MRPL1: variants seen among roughly 807,000 people sequenced by gnomAD.
MRPL1 encodes the protein large ribosomal subunit protein uL1m.
In MRPL1, 28 loss-of-function variants were observed where a neutral mutation model predicts 38.0. That is an observed-to-expected ratio of 0.74 (90% CI 0.55 to 1.01). The LOEUF is 1.01. Ranked by LOEUF, MRPL1 falls within the 50% of genes least tolerant of loss-of-function variation. MRPL1 has a pLI of 0.00. For missense variants in MRPL1, 358 were observed against 389.8 expected (o/e 0.92, Z 0.69); for synonymous variants, 123 against 126.7 (o/e 0.97, Z 0.20).
At chr4:77,914,301 T>G (rs192691136) in intron 7 of MRPL1, among the ~76,000 whole-genome samples, 1 of 152,052 alleles carries the variant, frequency 6.6e-6, no homozygotes, top group African/African-American at 2.4e-5. Flanking sequence ...AGTAGTTGCA[T>G]AGGAGGGGTG....
intron 5 of MRPL1, among the ~76,000 whole-genome samples, chr4:77,887,630 A>G (rs758109139): frequency 8.5e-5 from 13 of 152,098 alleles, no homozygotes; most frequent in African/African-American, 1.7e-4. Flanking sequence ...AGCTCAAGCA[A>G]TCCTCCTGCC....
At chr4:77,933,573 T>G (rs2110260836) in intron 7 of MRPL1, among the ~76,000 whole-genome samples, 1 of 152,128 alleles carries the variant, frequency 6.6e-6, no homozygotes, top group East Asian at 1.9e-4. Flanking sequence ...ATAGAAATTT[T>G]CCAATCTGAA....
intron 7 of MRPL1, among the ~76,000 whole-genome samples, chr4:77,945,538 T>G (rs1430805076): frequency 6.6e-6 from 1 of 152,162 alleles, no homozygotes; most frequent in African/African-American, 2.4e-5. Flanking sequence ...TCTGTAAGAT[T>G]GTAAAAATCC....
chr4:77,877,079 T>C (rs888894856), intron 2 of MRPL1, among the ~76,000 whole-genome samples: 5 of 152,210 alleles, frequency 3.3e-5, no homozygotes, highest in Non-Finnish European at 5.9e-5. Flanking sequence ...TTTGTATTTT[T>C]AGTAGAGACG....
At chr4:77,900,761 A>G (rs935234644) in intron 6 of MRPL1, among the ~76,000 whole-genome samples, 1 of 152,204 alleles carries the variant, frequency 6.6e-6, no homozygotes, top group Non-Finnish European at 1.5e-5. Flanking sequence ...GCTCAGAAGA[A>G]TGATGTAAGA....
chr4:77,946,781 A>G (rs977915754), intron 7 of MRPL1, among the ~76,000 whole-genome samples: 1 of 152,194 alleles, frequency 6.6e-6, no homozygotes, highest in Non-Finnish European at 1.5e-5. Flanking sequence ...AGTGTGGTCC[A>G]GGGATCCTTT....
chr4:77,949,768 T>G, intron 7 of MRPL1, 29 bp from the exon 8 acceptor site: 1 of 1,387,900 alleles, frequency 7.2e-7, no homozygotes, highest in Non-Finnish European at 1.0e-6. Flanking sequence ...TTTCTCATCA[T>G]TAATGTTATG....
intron 2 of MRPL1, among the ~76,000 whole-genome samples, chr4:77,879,293 C>CT (rs1253819120): frequency 7.3e-4 from 111 of 152,092 alleles, no homozygotes; most frequent in Non-Finnish European, 1.3e-4. Context: ...AATTGCAGTT[C>CT]TTTTTTTAAG....
At chr4:77,874,042 G>A (rs1384134395) in intron 2 of MRPL1, among the ~76,000 whole-genome samples, 2 of 147,754 alleles carry the variant, frequency 1.4e-5, no homozygotes, top group East Asian at 2.0e-4. Context: ...ACTGTCACCT[G>A]GGCTGGAGCG....
At chr4:77,908,229 C>T in intron 6 of MRPL1, 1 of 161,546 alleles carries the variant, frequency 6.2e-6, no homozygotes, top group Non-Finnish European at 1.4e-5. Context: ...GATTCCAAGA[C>T]CGTACTGTTA....
chr4:77,886,410 C>T (rs1735677218), intron 4 of MRPL1, among the ~76,000 whole-genome samples: 1 of 152,044 alleles, frequency 6.6e-6, no homozygotes, highest in Non-Finnish European at 1.5e-5. Context: ...TCTTGGCTTA[C>T]CGCAACCTCT....
chr4:77,868,419 T>G (rs1377563000), intron 1 of MRPL1, among the ~76,000 whole-genome samples: 1 of 152,124 alleles, frequency 6.6e-6, no homozygotes, highest in Non-Finnish European at 1.5e-5. Context: ...TTTTTTGTAT[T>G]TTTAGTAGAG....
At chr4:77,891,365 A>AT (rs1178827466) in intron 5 of MRPL1, among the ~76,000 whole-genome samples, 6 of 105,860 alleles carry the variant, frequency 5.7e-5, no homozygotes, top group Admixed American at 9.5e-5. Context: ...TTTTTTTTTC[A>AT]TTTTTTTTGA....
Position 77,949,875 on chromosome 4 carries a change from T to G in MRPL1, c.856T>G (p.Leu286Val). Residue 286 changes from leucine (L) to valine (V), a missense_variant, in exon 8 of 9, where the codon TTG (leucine) becomes GTG (valine). By Grantham distance (32) the Leu-to-Val change is conservative (BLOSUM62 1). Coordinates refer to ENST00000315567, the MANE Select transcript of MRPL1 (RefSeq NM_020236.4). ...AGTTTGTAGGCACAGACCGCTGAATTTGGGTAAGTGGTTTGCTGAGGGTAG... is the reference window on the plus strand; with the variant it reads ...AGTTTGTAGGCACAGACCGCTGAATGTGGGTAAGTGGTTTGCTGAGGGTAG... ...NEVCRHRPLN[L>V]GPFVVRAFLR... 1 of 1,605,424 alleles carries G rather than the reference T, an allele frequency of 6.2e-7. No individual in the cohort carries two copies. Among genetic ancestry groups the G allele is most frequent in the Non-Finnish European group, 8.5e-7 (1 of 1,174,660 alleles).
intron 7 of MRPL1, among the ~76,000 whole-genome samples, chr4:77,931,222 A>G (rs1340925829): frequency 6.6e-6 from 1 of 152,258 alleles, no homozygotes; most frequent in East Asian, 1.9e-4. Flanking sequence ...GAAGAACAGA[A>G]GCAATTATTG....
chr4:77,895,742 G>A (rs1219147082), intron 6 of MRPL1, among the ~76,000 whole-genome samples: 1 of 151,888 alleles, frequency 6.6e-6, no homozygotes, highest in East Asian at 1.9e-4. Context: ...TTAGAGTTTT[G>A]TTTATTTTTG....
rs529353207 is a variant in MRPL1, at chr4:77,940,285, T to C, written c.778-9512T>C. Among the ~76,000 whole-genome samples, 7 of 152,284 alleles carry C rather than the reference T, an allele frequency of 4.6e-5. No individual in the cohort carries two copies. The South Asian group carries it at 1.5e-3, about 32-fold the overall frequency. On this transcript the variant is annotated intron_variant, in intron 7 of 8. Transcript: ENST00000315567. ...CTTTGGTTAGGTATACTCCTAAGTA[T>C]TTTATTTTATTTTTTGGAGCTATTG...
intron 6 of MRPL1, among the ~76,000 whole-genome samples, chr4:77,895,225 A>G (rs1735885167): frequency 6.6e-6 from 1 of 152,158 alleles, no homozygotes; most frequent in African/African-American, 2.4e-5. Flanking sequence ...AACTAGAGAC[A>G]GGGAAACCAG....
intron 6 of MRPL1, among the ~76,000 whole-genome samples, chr4:77,906,486 A>C (rs966942219): frequency 3.3e-5 from 5 of 152,126 alleles, no homozygotes; most frequent in African/African-American, 9.7e-5. Context: ...GCTAATGAAG[A>C]TTGTCTAGGG....
Sources: gnomAD v4.1 joint callset for allele counts (sites outside exome capture counted in the v4.1 genomes callset) on GRCh38, gnomAD v4.1.1 for gene constraint, MANE v1.5 for transcripts, NCBI Gene and HGNC (gene_info 2026-07-23, HGNC 2026-07-21) for gene names.